The following MAP4K3 variants were observed in gnomAD, a reference collection of about 807,000 sequenced individuals.
MAP4K3 encodes mitogen-activated protein kinase kinase kinase kinase 3, also known as MAPK/ERK kinase kinase kinase 3.
A neutral mutation model predicts 143.5 loss-of-function variants in MAP4K3; 94 were observed. The ratio of observed to expected loss-of-function variants is 0.65; its 90% confidence interval spans 0.55 to 0.78. MAP4K3 has a LOEUF of 0.78. MAP4K3 is among the 30% of genes least tolerant of loss of function. The probability of loss-of-function intolerance (pLI) is 0.00; values close to 1 mark genes in which losing one functional copy is unlikely to be tolerated. For synonymous variants in MAP4K3, 416 were observed against 347.2 expected (o/e 1.20, Z -2.20); for missense variants, 1,077 against 1,068.1 (o/e 1.01, Z -0.12).
At chr2:39,334,382 C>G (rs963394906) in intron 6 of MAP4K3, among the ~76,000 whole-genome samples, 29 of 152,112 alleles carry the variant, frequency 1.9e-4, no homozygotes, top group African/African-American at 6.7e-4. Context: ...GGGAACCCTC[C>G]TACTCTCAAC....
At chr2:39,253,931 C>T (rs1680247314) in intron 32 of MAP4K3, among the ~76,000 whole-genome samples, 1 of 152,168 alleles carries the variant, frequency 6.6e-6, no homozygotes, top group Admixed American at 6.5e-5. Flanking sequence ...TCATGAGATG[C>T]ATAGCTAAAG....
chr2:39,346,870 A>G (rs534948250), intron 3 of MAP4K3, among the ~76,000 whole-genome samples: 1 of 152,210 alleles, frequency 6.6e-6, no homozygotes, highest in South Asian at 2.1e-4. Flanking sequence ...TGGCAAGTCA[A>G]CAATATTTGG....
intron 29 of MAP4K3, 60 bp from the exon 30 acceptor site, chr2:39,258,647 C>T (rs1680440716): frequency 3.5e-6 from 4 of 1,157,122 alleles, no homozygotes; most frequent in South Asian, 2.5e-5. Flanking sequence ...AGCATGGAAA[C>T]ATTGAAGAAA....
At chr2:39,321,029 G>A (rs1683284317) in intron 12 of MAP4K3, among the ~76,000 whole-genome samples, 2 of 152,182 alleles carry the variant, frequency 1.3e-5, no homozygotes, top group African/African-American at 4.8e-5. Context: ...TGAAACAGTA[G>A]CAAAAGTAAT....
At chr2:39,336,759 T>A (rs1664980479) in intron 6 of MAP4K3, among the ~76,000 whole-genome samples, 161 bp downstream of exon 6, 1 of 152,120 alleles carries the variant, frequency 6.6e-6, no homozygotes, top group Non-Finnish European at 1.5e-5. Flanking sequence ...TGTGCCTCAA[T>A]AAAGCTGCTA....
At chr2:39,299,905 C>T (rs747209192) in intron 15 of MAP4K3, 104 bp from the exon 16 acceptor site, 2 of 427,438 alleles carry the variant, frequency 4.7e-6, no homozygotes, top group Non-Finnish European at 8.1e-6. Flanking sequence ...AGTCCCAGAC[C>T]CCCAAATAAA....
At chr2:39,304,432 T>C (rs959583057) in intron 15 of MAP4K3, among the ~76,000 whole-genome samples, 2 of 152,180 alleles carry the variant, frequency 1.3e-5, no homozygotes, top group Non-Finnish European at 2.9e-5. Context: ...CAAGCATTTG[T>C]AAGAGATGAA....
chr2:39,319,602 CTCA>C (rs1683236712), intron 12 of MAP4K3, among the ~76,000 whole-genome samples: 1 of 152,074 alleles, frequency 6.6e-6, no homozygotes, highest in African/African-American at 2.4e-5. Flanking sequence ...ATAGTAAAAT[CTCA>C]AGTAATATTT....
intron 16 of MAP4K3, among the ~76,000 whole-genome samples, chr2:39,297,275 G>A (rs1005669505): frequency 2.0e-5 from 3 of 151,896 alleles, no homozygotes; most frequent in African/African-American, 7.3e-5. Context: ...GTGCCACCAT[G>A]TCCAGCTAAT....
chr2:39,299,078 A>G (rs1278709706), intron 16 of MAP4K3, among the ~76,000 whole-genome samples: 1 of 152,092 alleles, frequency 6.6e-6, no homozygotes, highest in Non-Finnish European at 1.5e-5. Context: ...AGTTTTTATC[A>G]TAATTTATCC....
rs78615443 is a variant in MAP4K3, at chr2:39,256,024, T to G, written c.2471-1504A>C. ...TAAAAAAAAATAATTTGGAGGTTCC[T>G]AGATAATGATCTTAAAAATGTTTGG... is the stretch of plus-strand genomic sequence containing the variant. On this transcript the variant is annotated intron_variant, in intron 31 of 33. Transcript: ENST00000263881. Among the ~76,000 whole-genome samples, 404 of 152,350 alleles carry G rather than the reference T, an allele frequency of 2.7e-3. 3 individuals are homozygous for G. Among genetic ancestry groups the G allele is most frequent in the African/African-American group, 9.2e-3 (381 of 41,574 alleles).
At chr2:39,328,987 G>C (rs992880070) in intron 8 of MAP4K3, among the ~76,000 whole-genome samples, 2 of 152,122 alleles carry the variant, frequency 1.3e-5, no homozygotes, top group Non-Finnish European at 2.9e-5. Context: ...GGAAGAGAGA[G>C]GTTCTAAAGT....
In MAP4K3 at chr2:39,267,235, T is replaced by C. The variant is rs745867580; in HGVS notation, c.1986A>G (p.Val662=). The C allele has an allele frequency of 1.7e-5, 28 of 1,613,786 alleles. No individual in the cohort carries two copies. Among genetic ancestry groups the C allele is most frequent in the Non-Finnish European group, 2.4e-5 (28 of 1,179,876 alleles). The part of the protein sequence containing the change: ...PDRILPRKFS[V]SAKIPETKWC... ...ATTTGGTTTCAGGGATTTTTGCTGATACAGAAAATTTCCTAAATGTAAATA... is the reference window on the plus strand; with the variant it reads ...ATTTGGTTTCAGGGATTTTTGCTGACACAGAAAATTTCCTAAATGTAAATA... The change falls in exon 27 of 34, where the codon GTA becomes GTG. Residue 662 remains valine (V), a synonymous_variant. Transcript: ENST00000263881.
intron 20 of MAP4K3, among the ~76,000 whole-genome samples, chr2:39,287,317 G>T (rs755737607): frequency 1.0e-4 from 15 of 150,254 alleles, no homozygotes; most frequent in Non-Finnish European, 2.1e-4. Flanking sequence ...TTTTGAGAAG[G>T]AGTTTTGCTC....
chr2:39,395,913 CT>C (rs1436325584), intron 1 of MAP4K3, among the ~76,000 whole-genome samples: 2 of 152,106 alleles, frequency 1.3e-5, no homozygotes, highest in Non-Finnish European at 2.9e-5. Flanking sequence ...ATACAAAAGA[CT>C]AGAGCTGTTA....
At chr2:39,424,397 C>G (rs1405390888) in intron 1 of MAP4K3, among the ~76,000 whole-genome samples, 1 of 152,072 alleles carries the variant, frequency 6.6e-6, no homozygotes, top group African/African-American at 2.4e-5. Flanking sequence ...AATCTAGGTG[C>G]TTGGGGATTT....
At chr2:39,261,683 G>C (rs1680573810) in intron 28 of MAP4K3, among the ~76,000 whole-genome samples, 1 of 152,064 alleles carries the variant, frequency 6.6e-6, no homozygotes, top group African/African-American at 2.4e-5. Flanking sequence ...ATGCAAAACA[G>C]ATAAAATTAC....
At chr2:39,282,463 A>G in intron 22 of MAP4K3, 50 bp downstream of exon 22, 1 of 1,456,844 alleles carries the variant, frequency 6.9e-7, no homozygotes, top group Non-Finnish European at 9.6e-7. Flanking sequence ...AAGATAACAC[A>G]CACAAGTGAC....
intron 1 of MAP4K3, among the ~76,000 whole-genome samples, chr2:39,384,594 G>T (rs940553583): frequency 1.3e-5 from 2 of 152,138 alleles, no homozygotes; most frequent in Non-Finnish European, 2.9e-5. Context: ...TTGTCCAAAA[G>T]AACTTTCTGC....
Sources: allele counts gnomAD v4.1 joint callset (sites outside exome capture counted in the v4.1 genomes callset), GRCh38; gene constraint gnomAD v4.1.1; transcripts MANE v1.5; gene names NCBI Gene and HGNC (gene_info 2026-07-23, HGNC 2026-07-21).